Variants in GRM7 observed in about 807,000 individuals in gnomAD.
The protein encoded by GRM7 is glutamate metabotropic receptor 7.
GRM7 carries 35 observed loss-of-function variants against 84.5 expected under a neutral mutation model. That is an observed-to-expected ratio of 0.41 (90% CI 0.32 to 0.55). The LOEUF (loss-of-function observed/expected upper bound fraction) is 0.55. GRM7 is among the 20% of genes least tolerant of loss of function. The probability of loss-of-function intolerance (pLI) is 0.19; values close to 1 mark genes in which losing one functional copy is unlikely to be tolerated. For synonymous variants in GRM7, 487 were observed against 455.1 expected, an observed-to-expected ratio of 1.07 and a Z score of -0.89; for missense variants, 1,003 against 1,194.6, an observed-to-expected ratio of 0.84 and a Z score of 2.36.
At chr3:7,082,365 T>A (rs1698302468) in intron 1 of GRM7, among the ~76,000 whole-genome samples, 1 of 152,092 alleles carries the variant, frequency 6.6e-6, no homozygotes, top group Admixed American at 6.6e-5. Context: ...AGCACAGTTG[T>A]TTACGGCATT....
chr3:6,900,648 T>C (rs1696350049), intron 1 of GRM7, among the ~76,000 whole-genome samples: 1 of 152,214 alleles, frequency 6.6e-6, no homozygotes, highest in South Asian at 2.1e-4. Flanking sequence ...TATTGATTTT[T>C]AAAAGGGAAT....
At chr3:7,371,882 G>A (rs1300979859) in intron 4 of GRM7, among the ~76,000 whole-genome samples, 1 of 152,158 alleles carries the variant, frequency 6.6e-6, no homozygotes, top group African/African-American at 2.4e-5. Context: ...GTCAGTGAGT[G>A]GGTGGGCGTG....
chr3:7,713,137 T>G (rs533858970), intron 9 of GRM7, among the ~76,000 whole-genome samples: 41,203 of 136,876 alleles, frequency 0.3, 6,830 homozygotes, highest in East Asian at 0.72. Flanking sequence ...TTTTTTTTTT[T>G]TTTTTTTTTT....
chr3:7,510,141 C>A (rs946864291), intron 7 of GRM7, among the ~76,000 whole-genome samples: 1 of 152,110 alleles, frequency 6.6e-6, no homozygotes, highest in Non-Finnish European at 1.5e-5. Flanking sequence ...CCTACCTTTC[C>A]CCCAGTAAGT....
chr3:7,373,499 G>A (rs774635302), intron 4 of GRM7, among the ~76,000 whole-genome samples: 18 of 152,130 alleles, frequency 1.2e-4, no homozygotes, highest in Non-Finnish European at 7.4e-5. Flanking sequence ...TCTCCAGTTT[G>A]TATTAAACTA....
Position 7,680,139 on chromosome 3 carries a change from A to T in GRM7, c.2542A>T (p.Ile848Phe), listed in dbSNP as rs777209611. The T allele has an allele frequency of 6.2e-7, 1 of 1,614,142 alleles. No homozygotes were observed. The highest frequency in any genetic ancestry group is 1.1e-5 in the South Asian group (1 of 91,084). ...GCTATACATGCCGAAAGTGTACATC[A>T]TCATTTTCCACCCTGAACTCAATGT... ...GMLYMPKVYI[I>F]IFHPELNVQK... The change falls in exon 9 of 10, where the codon ATC (isoleucine) becomes TTC (phenylalanine). Residue 848 changes from isoleucine (I) to phenylalanine (F), a missense_variant. Coordinates refer to ENST00000357716, the MANE Select transcript of GRM7 (RefSeq NM_000844.4).
At chr3:7,002,064 C>T (rs1352155872) in intron 1 of GRM7, among the ~76,000 whole-genome samples, 5 of 152,172 alleles carry the variant, frequency 3.3e-5, no homozygotes, top group Admixed American at 3.3e-4. Flanking sequence ...TAGTGGGAAA[C>T]TTTCTAGACA....
chr3:7,096,111 A>C (rs1038302379), intron 1 of GRM7, among the ~76,000 whole-genome samples: 5 of 152,132 alleles, frequency 3.3e-5, no homozygotes, highest in African/African-American at 1.2e-4. Context: ...CATGCCAGTG[A>C]AAATATTCTG....
At chr3:7,454,885 C>G (rs1288395652) in intron 6 of GRM7, among the ~76,000 whole-genome samples, 1 of 152,044 alleles carries the variant, frequency 6.6e-6, no homozygotes, top group Non-Finnish European at 1.5e-5. Flanking sequence ...CAATGGTACA[C>G]TGGTAAAAAT....
At chr3:7,388,733 A>C (rs1287074724) in intron 4 of GRM7, among the ~76,000 whole-genome samples, 1 of 152,076 alleles carries the variant, frequency 6.6e-6, no homozygotes, top group Non-Finnish European at 1.5e-5. Flanking sequence ...AGAGATGTTC[A>C]TAGTAGTCTC....
At chr3:7,569,263 G>A (rs865816499) in intron 7 of GRM7, among the ~76,000 whole-genome samples, 1 of 151,954 alleles carries the variant, frequency 6.6e-6, no homozygotes, top group Non-Finnish European at 1.5e-5. Context: ...CTAGCTAGGG[G>A]ATTGTAAACA....
At chr3:6,956,545 ACT>A (rs1229549669) in intron 1 of GRM7, 2 of 455,658 alleles carry the variant, frequency 4.4e-6, no homozygotes, top group African/African-American at 2.0e-5. Context: ...TATTTTCCAC[ACT>A]CTCTCTTCTG....
chr3:7,688,950 T>C (rs913506581), intron 9 of GRM7, among the ~76,000 whole-genome samples: 1 of 152,208 alleles, frequency 6.6e-6, no homozygotes, highest in African/African-American at 2.4e-5. Flanking sequence ...CAGCCAGGCA[T>C]CAGCAGAATC....
At chr3:7,082,805 T>C (rs188097142) in intron 1 of GRM7, among the ~76,000 whole-genome samples, 196 of 152,168 alleles carry the variant, frequency 1.3e-3, no homozygotes, top group African/African-American at 4.4e-3. Context: ...AAGACACCAA[T>C]GGAAAAAGTG....
intron 7 of GRM7, among the ~76,000 whole-genome samples, chr3:7,528,651 A>G (rs929045578): frequency 6.6e-6 from 1 of 152,068 alleles, no homozygotes; most frequent in African/African-American, 2.4e-5. Flanking sequence ...GTAGGCATTT[A>G]GCACTATAAA....
chr3:7,056,899 C>T (rs999564658), intron 1 of GRM7, among the ~76,000 whole-genome samples: 2 of 151,804 alleles, frequency 1.3e-5, no homozygotes, highest in African/African-American at 4.8e-5. Context: ...TTGCTGTAGT[C>T]CTCATAGATA....
chr3:6,911,145 G>A (rs556627359), intron 1 of GRM7, among the ~76,000 whole-genome samples: 5 of 152,190 alleles, frequency 3.3e-5, no homozygotes, highest in Middle Eastern at 3.4e-3. Flanking sequence ...TTATTTCTCT[G>A]CTTATGAGAA....
intron 1 of GRM7, among the ~76,000 whole-genome samples, chr3:7,037,451 A>C (rs534000114): frequency 1.3e-4 from 20 of 152,298 alleles, no homozygotes; most frequent in Non-Finnish European, 2.4e-4. Context: ...TAAAAACAAG[A>C]ATAATGACAC....
intron 8 of GRM7, among the ~76,000 whole-genome samples, chr3:7,671,224 T>C (rs1463040412): frequency 6.6e-6 from 1 of 152,068 alleles, no homozygotes; most frequent in Non-Finnish European, 1.5e-5. Context: ...GCAAAATCAG[T>C]AGTGACTTTC....
Sources: allele counts gnomAD v4.1 joint callset (sites outside exome capture counted in the v4.1 genomes callset), GRCh38; gene constraint gnomAD v4.1.1; transcripts MANE v1.5; gene names NCBI Gene and HGNC (gene_info 2026-07-23, HGNC 2026-07-21).